RUNDC3B: variants seen among roughly 807,000 people sequenced by gnomAD.
RUNDC3B encodes the protein RUN domain-containing protein 3B.
Under a neutral mutation model 58.4 loss-of-function variants are expected in RUNDC3B, and 33 were observed. The observed-to-expected ratio is 0.56, with a 90% CI of 0.43 to 0.75. The LOEUF is 0.75. Among genes scored for constraint, RUNDC3B ranks in the 30% least tolerant of loss-of-function variants. The pLI is 0.00. For missense variants in RUNDC3B, 501 were observed against 535.7 expected, an observed-to-expected ratio of 0.94 and a Z score of 0.64; for synonymous variants, 193 against 195.2, an observed-to-expected ratio of 0.99 and a Z score of 0.10.
At chr7:87,792,283 A>G (rs183195103) in intron 8 of RUNDC3B, among the ~76,000 whole-genome samples, 1 of 152,254 alleles carries the variant, frequency 6.6e-6, no homozygotes, top group Non-Finnish European at 1.5e-5. Flanking sequence ...TTAACACCCC[A>G]CCTTCAGCAT....
In RUNDC3B at chr7:87,788,782, G is replaced by A. The variant is rs1835368794; in HGVS notation, c.956+10827G>A. ...GTACATGTGCACATTGTGCAGGTTA[G>A]TTACATATGTATACATGTGCCTTTT... On this transcript the variant is annotated intron_variant, in intron 8 of 10. Transcript: ENST00000394654. Among the ~76,000 whole-genome samples, 3 of 147,870 alleles carry A rather than the reference G, an allele frequency of 2.0e-5. No homozygotes were observed. In the South Asian group the frequency reaches 6.4e-4, roughly 31 times the overall value.
intron 3 of RUNDC3B, among the ~76,000 whole-genome samples, chr7:87,708,227 C>A (rs1348369278): frequency 2.0e-5 from 3 of 151,914 alleles, no homozygotes; most frequent in African/African-American, 2.4e-5. Context: ...AAGATTAATG[C>A]AGTTGATAAG....
chr7:87,773,970 A>C (rs983734410), intron 7 of RUNDC3B, among the ~76,000 whole-genome samples: 10 of 151,938 alleles, frequency 6.6e-5, no homozygotes, highest in Non-Finnish European at 1.3e-4. Flanking sequence ...GAGCCACCGC[A>C]CCCGGCCAAT....
chr7:87,703,914 GTTTTTTTTTTTTTT>G (rs35797972), intron 3 of RUNDC3B, among the ~76,000 whole-genome samples: 1 of 42,970 alleles, frequency 2.3e-5, no homozygotes, highest in Admixed American at 3.9e-4. Flanking sequence ...TTTTTTTTTG[GTTTTTTTTTTTTTT>G]TTTTTTTTTT....
rs1030714606 is a variant in RUNDC3B, at chr7:87,761,706, G to A, written c.630-8875G>A. On this transcript the variant is annotated intron_variant, in intron 6 of 10. Transcript: ENST00000394654. ...TTTGAAACCATTATAGGTGAAAGGCGTCAAACACAAAAGCCACATATTTTG... is the reference window on the plus strand; with the variant it reads ...TTTGAAACCATTATAGGTGAAAGGCATCAAACACAAAAGCCACATATTTTG... 6.6e-5 allele frequency among the ~76,000 whole-genome samples: 10 copies of A among 151,960 alleles called. No homozygotes were observed. The South Asian group carries it at 1.7e-3, about 25-fold the overall frequency.
intron 2 of RUNDC3B, among the ~76,000 whole-genome samples, chr7:87,669,075 T>G (rs1825568123): frequency 6.6e-6 from 1 of 152,018 alleles, no homozygotes; most frequent in Non-Finnish European, 1.5e-5. Context: ...GTCTGTGGAG[T>G]GTTGAAGTCT....
At chr7:87,767,859 C>T (rs1393730943) in intron 6 of RUNDC3B, among the ~76,000 whole-genome samples, 1 of 152,146 alleles carries the variant, frequency 6.6e-6, no homozygotes, top group Non-Finnish European at 1.5e-5. Flanking sequence ...ACAGGGCTTG[C>T]AACTTTCAGT....
chr7:87,641,217 A>C (rs980458891), intron 1 of RUNDC3B, among the ~76,000 whole-genome samples: 3 of 152,232 alleles, frequency 2.0e-5, no homozygotes, highest in South Asian at 2.1e-4. Flanking sequence ...CATAGTATAC[A>C]GTAGAAATAG....
chr7:87,704,343 T>A (rs1191471537), intron 3 of RUNDC3B, among the ~76,000 whole-genome samples: 1 of 152,314 alleles, frequency 6.6e-6, no homozygotes, highest in East Asian at 1.9e-4. Context: ...TAAAAAGTAT[T>A]CTAGATGCTA....
chr7:87,780,397 G>C (rs1834861480), intron 8 of RUNDC3B, among the ~76,000 whole-genome samples: 1 of 152,000 alleles, frequency 6.6e-6, no homozygotes, highest in Non-Finnish European at 1.5e-5. Flanking sequence ...TTGGTTGCTT[G>C]TATGTCTTCT....
intron 5 of RUNDC3B, 55 bp from the exon 6 acceptor site, chr7:87,741,444 C>T: frequency 2.0e-6 from 2 of 1,009,554 alleles, no homozygotes; most frequent in Non-Finnish European, 2.8e-6. Flanking sequence ...TGAAACTTAA[C>T]TTTGATTTAA....
intron 3 of RUNDC3B, among the ~76,000 whole-genome samples, chr7:87,710,262 ATC>A (rs1285902850): frequency 6.6e-6 from 1 of 152,174 alleles, no homozygotes; most frequent in Non-Finnish European, 1.5e-5. Flanking sequence ...AGAGAGTTAT[ATC>A]TTATATAATT....
chr7:87,638,761 A>G (rs934722847), intron 1 of RUNDC3B, among the ~76,000 whole-genome samples: 1 of 151,886 alleles, frequency 6.6e-6, no homozygotes, highest in Non-Finnish European at 1.5e-5. Flanking sequence ...AATTTTACCA[A>G]CTTTTTCAAA....
chr7:87,710,816 A>G (rs961738205), intron 4 of RUNDC3B, among the ~76,000 whole-genome samples, 161 bp downstream of exon 4: 2 of 152,162 alleles, frequency 1.3e-5, no homozygotes, highest in Non-Finnish European at 2.9e-5. Flanking sequence ...AGGAAAATGT[A>G]ATTTGTCAAC....
At chr7:87,744,544 A>G (rs1463997566) in intron 6 of RUNDC3B, among the ~76,000 whole-genome samples, 1 of 152,132 alleles carries the variant, frequency 6.6e-6, no homozygotes, top group Non-Finnish European at 1.5e-5. Flanking sequence ...GGTTGAATAT[A>G]TTCCTAAGTA....
At position 87,752,745 on chromosome 7, in the gene RUNDC3B, G is replaced by A. The variant is rs183225271; in HGVS notation, c.629+11166G>A. ...TATCCCCTTTATCATTTTTTATTGC[G>A]TCTATTTGATTCTTCTCTCTTTTTT... On this transcript the variant is annotated intron_variant, in intron 6 of 10. Coordinates refer to ENST00000394654, the MANE Select transcript of RUNDC3B (RefSeq NM_001134405.2). 5.3e-3 allele frequency among the ~76,000 whole-genome samples: 812 copies of A among 151,970 alleles called. 4 individuals are homozygous for A. Among genetic ancestry groups the A allele is most frequent in the African/African-American group, 0.016 (651 of 41,424 alleles).
At position 87,832,227 on chromosome 7, in the gene RUNDC3B, T is replaced by G. The variant is rs887200177; in HGVS notation, c.*2197T>G. On this transcript the variant is annotated 3_prime_UTR_variant, in exon 11 of 11. Transcript: ENST00000394654. ...AGAATGCTGAATTATACGCCAATAT[T>G]TCCATGTGTATTCTGTTGCCTTGAT... The G allele has an allele frequency of 2.6e-5, 4 of 151,992 alleles. No individual in the cohort carries two copies. Among genetic ancestry groups the G allele is most frequent in the Non-Finnish European group, 4.4e-5 (3 of 67,912 alleles). The allele number at this position is 151,992 out of a possible 1,614,324, so 9.4% of individuals were successfully genotyped here.
intron 1 of RUNDC3B, among the ~76,000 whole-genome samples, chr7:87,630,420 C>T (rs766592798): frequency 2.0e-5 from 3 of 152,028 alleles, no homozygotes; most frequent in Non-Finnish European, 4.4e-5. Context: ...TTTAATTTGC[C>T]GTTTGTGCTG....
intron 10 of RUNDC3B, among the ~76,000 whole-genome samples, chr7:87,820,496 C>G (rs1364509259): frequency 6.6e-6 from 1 of 152,108 alleles, no homozygotes; most frequent in Non-Finnish European, 1.5e-5. Context: ...TGAAACTATT[C>G]CAATCAATAG....
Sources: gnomAD v4.1 joint callset for allele counts (sites outside exome capture counted in the v4.1 genomes callset) on GRCh38, gnomAD v4.1.1 for gene constraint, MANE v1.5 for transcripts, NCBI Gene and HGNC (gene_info 2026-07-23, HGNC 2026-07-21) for gene names.